Variants in SETX observed in about 807,000 individuals in gnomAD.
SETX encodes the protein senataxin.
A neutral mutation model predicts 227.2 loss-of-function variants in SETX; 90 were observed. The observed-to-expected ratio is 0.40, with a 90% CI of 0.33 to 0.47. The LOEUF is 0.47. Ranked by LOEUF, SETX falls within the 20% of genes least tolerant of loss-of-function variation. The pLI, the probability that SETX is intolerant of heterozygous loss-of-function variation, is 0.91. For missense variants in SETX, 3,052 were observed against 3,181.5 expected (o/e 0.96, Z 0.98); for synonymous variants, 1,210 against 1,113.2 (o/e 1.09, Z -1.73).
upstream of SETX, among the ~76,000 whole-genome samples, chr9:132,356,490 C>A (rs1252486609): frequency 2.0e-5 from 3 of 152,216 alleles, no homozygotes; most frequent in Non-Finnish European, 4.4e-5. Context: ...GCGTGATCCA[C>A]CGCACCCGGC....
intron 12 of SETX, among the ~76,000 whole-genome samples, chr9:132,299,089 T>G (rs1156825894): frequency 6.6e-6 from 1 of 152,200 alleles, no homozygotes; most frequent in African/African-American, 2.4e-5. Flanking sequence ...GGGAACTGGA[T>G]TTGGGATATA....
At chr9:132,297,978 A>C (rs558642561) in intron 13 of SETX, 102 bp downstream of exon 13, 2 of 1,001,198 alleles carry the variant, frequency 2.0e-6, no homozygotes, top group African/African-American at 3.2e-5. Context: ...TTCACCGTGA[A>C]CACATTTTTG....
At chr9:132,330,524 T>C in intron 9 of SETX, 25 bp from the exon 10 acceptor site, 1 of 1,596,192 alleles carries the variant, frequency 6.3e-7, no homozygotes, top group Non-Finnish European at 8.6e-7. Flanking sequence ...ATGCTGATGT[T>C]CAGATAAATA....
At chr9:132,302,661 AAAAAAAAAAAAAAAAAAAGC>A (rs1384989835) in intron 11 of SETX, among the ~76,000 whole-genome samples, 2 of 98,190 alleles carry the variant, frequency 2.0e-5, no homozygotes, top group Admixed American at 9.4e-5. Flanking sequence ...ACTTTGTCTC[AAAAAAAAAAAAAAAAAAAGC>A]AAAAAAAAAA....
chr9:132,295,627 A>T (rs1278047315), intron 15 of SETX, among the ~76,000 whole-genome samples: 2 of 151,936 alleles, frequency 1.3e-5, no homozygotes, highest in Admixed American at 1.3e-4. Context: ...CTCTGTACTG[A>T]CCTCTCCACT....
chr9:132,288,711 A>G (rs929527413), intron 15 of SETX, 60 bp from the exon 16 acceptor site: 3 of 1,047,312 alleles, frequency 2.9e-6, no homozygotes, highest in Admixed American at 3.6e-5. Flanking sequence ...TCCTGTCTCT[A>G]TACATAGTAT....
At position 132,325,136 on chromosome 9, in the gene SETX, C is replaced by G. The variant is rs180863739; in HGVS notation, c.5274+1188G>C. Among the ~76,000 whole-genome samples the G allele has an allele frequency of 3.2e-4, 48 of 152,198 alleles. No homozygotes were observed. The East Asian group carries it at 8.9e-3, about 28-fold the overall frequency. On this transcript the variant is annotated intron_variant, in intron 10 of 25. Transcript: ENST00000224140. The stretch of plus-strand genomic sequence containing the variant: ...CTTTGGGAGGCCAAGGCGGGCAGAT[C>G]ACAAGGTCAGGAGATTGAGACCATC...
Position 132,326,996 on chromosome 9 carries a change from ATCT to A in SETX, c.4599_4601del (p.Glu1533del). 1.9e-6 allele frequency: 3 copies of A among 1,614,226 alleles called. No individual in the cohort carries two copies. The highest frequency in any genetic ancestry group is 2.5e-6 in the Non-Finnish European group (3 of 1,180,042). ...ATTCCAACTGAGGCCGACTTACAGA[ATCT>A]TCTTCAACCTCAACTGTATCTTTTC... On this transcript the variant is annotated inframe_deletion, in exon 10 of 26. Transcript: ENST00000224140.
In SETX at chr9:132,327,844, C is replaced by T. The variant is rs1183768; in HGVS notation, c.3754G>A (p.Gly1252Arg). The change falls in exon 10 of 26, where the codon GGA (glycine) becomes AGA (arginine). Residue 1252 changes from glycine (G) to arginine (R), a missense_variant. Coordinates refer to ENST00000224140, the MANE Select transcript of SETX (RefSeq NM_015046.7). ...PKKTHSDAKKGQNRSSNYLSC... is the reference protein window; with the variant it reads ...PKKTHSDAKKRQNRSSNYLSC... Reference sequence around the variant, plus strand: ...AGGTAATTTGAACTTCTATTCTGTCCTTTTTTGGCATCTGAATGAGTTTTC... The same window carrying T: ...AGGTAATTTGAACTTCTATTCTGTCTTTTTTTGGCATCTGAATGAGTTTTC... 0.79 allele frequency: 1,276,332 copies of T among 1,613,874 alleles called. 520,850 individuals carry two copies. Among genetic ancestry groups the T allele is most frequent in the Non-Finnish European group, 0.85 (1,002,237 of 1,179,980 alleles).
chr9:132,269,457 CA>C, intron 25 of SETX, 157 bp downstream of exon 25: 1 of 1,588,302 alleles, frequency 6.3e-7, no homozygotes, highest in Non-Finnish European at 8.6e-7. Flanking sequence ...GCGAATGGTT[CA>C]CGTGTACACA....
intron 9 of SETX, 115 bp from the exon 10 acceptor site, chr9:132,330,614 T>A: frequency 1.2e-6 from 1 of 824,456 alleles, no homozygotes. Context: ...GTTTACCACA[T>A]CATTATTATG....
intron 20 of SETX, among the ~76,000 whole-genome samples, chr9:132,281,047 C>A (rs1843472337): frequency 6.6e-6 from 1 of 152,174 alleles, no homozygotes; most frequent in South Asian, 2.1e-4. Flanking sequence ...TCAATTTGTA[C>A]ATATTTAAAC....
In SETX at chr9:132,281,561, C is replaced by T; in HGVS notation, c.6560G>A (p.Cys2187Tyr). 1 of 1,612,562 alleles carries T rather than the reference C, an allele frequency of 6.2e-7. No individual in the cohort carries two copies. Reference protein sequence around the residue: ...CVIVDEAGQSCEIETLTPLIH... With the variant: ...CVIVDEAGQSYEIETLTPLIH... ...GAGTGGAGTAAGAGTCTCAATTTCA[C>T]AAGACTGTCCAGCCTTGGTAAGATA... The change falls in exon 20 of 26, where the codon TGT becomes TAT. Residue 2187 changes from cysteine to tyrosine, a missense_variant. By Grantham distance (194) the Cys-to-Tyr change is radical. Transcript: ENST00000224140.
At chr9:132,354,820 G>A (rs1848822221) in intron 1 of SETX, 97 bp downstream of exon 1, 1 of 152,080 alleles carries the variant, frequency 6.6e-6, no homozygotes, top group Admixed American at 6.6e-5. Flanking sequence ...CGGGACCTAG[G>A]CGCCGCGATG....
In SETX at chr9:132,327,582, T is replaced by C. The variant is rs750158882; in HGVS notation, c.4016A>G (p.Asn1339Ser). ...ISPQNLSVRN[N>S]KKLLTSQELQ... ...TTCTTGACTAGTCAGAAGTTTCTTATTATTTCTGACAGACAGGTTCTGAGG... is the reference window on the plus strand; with the variant it reads ...TTCTTGACTAGTCAGAAGTTTCTTACTATTTCTGACAGACAGGTTCTGAGG... The change falls in exon 10 of 26, where the codon AAT becomes AGT. Residue 1339 changes from asparagine (N) to serine (S), a missense_variant. Around this residue, in one of 10 missense-constraint regions of SETX, gnomAD observed 1,483 missense variants for 1,312.0 expected, o/e 1.13. Transcript: ENST00000224140. The C allele has an allele frequency of 3.7e-6, 6 of 1,614,050 alleles. No homozygotes were observed. The highest frequency in any genetic ancestry group is 2.7e-5 in the African/African-American group (2 of 74,946).
intron 5 of SETX, among the ~76,000 whole-genome samples, chr9:132,341,531 T>G (rs1018472501): frequency 6.6e-6 from 1 of 152,206 alleles, no homozygotes; most frequent in Non-Finnish European, 1.5e-5. Flanking sequence ...CTAGGTCTAC[T>G]ATCAGCAGCT....
intron 10 of SETX, among the ~76,000 whole-genome samples, chr9:132,324,638 T>C (rs965272296): frequency 3.3e-5 from 5 of 152,290 alleles, no homozygotes; most frequent in East Asian, 1.9e-4. Context: ...AGAGTCCTTA[T>C]CTCAATCCCA....
intron 1 of SETX, among the ~76,000 whole-genome samples, chr9:132,354,655 G>C (rs1848806968): frequency 6.6e-6 from 1 of 152,032 alleles, no homozygotes; most frequent in South Asian, 2.1e-4. Flanking sequence ...GCTCACACGA[G>C]ACCGCAGTGT....
At chr9:132,311,647 T>G (rs2131355040) in intron 11 of SETX, 110 bp downstream of exon 11, 2 of 760,524 alleles carry the variant, frequency 2.6e-6, no homozygotes, top group African/African-American at 1.7e-5. Context: ...AGTCACAAAT[T>G]TAGCTTAGAA....
Sources: allele counts gnomAD v4.1 joint callset (sites outside exome capture counted in the v4.1 genomes callset), GRCh38; gene constraint gnomAD v4.1.1; regional missense constraint gnomAD v4.1.1; transcripts MANE v1.5; gene names NCBI Gene and HGNC (gene_info 2026-07-23, HGNC 2026-07-21).